Variants in ROR1 observed in about 807,000 individuals in gnomAD.
ROR1 encodes inactive tyrosine-protein kinase transmembrane receptor ROR1.
ROR1 carries 19 observed loss-of-function variants against 78.8 expected under a neutral mutation model. The ratio of observed to expected loss-of-function variants is 0.24; its 90% CI spans 0.17 to 0.35. The LOEUF (loss-of-function observed/expected upper bound fraction) is 0.35, where lower values mean the gene tolerates loss of function less well. Ranked by LOEUF, ROR1 falls within the 10% of genes least tolerant of loss-of-function variation. ROR1 has a pLI of 1.00. For synonymous variants in ROR1, 386 were observed against 433.6 expected (o/e 0.89, Z 1.36); for missense variants, 917 against 1,177.8 (o/e 0.78, Z 3.24).
chr1:64,045,998 T>C lies in ROR1; in HGVS notation c.164-3693T>C, dbSNP rs78232621. Among the ~76,000 whole-genome samples, 624 of 152,266 alleles carry C rather than the reference T, an allele frequency of 4.1e-3. 7 individuals are homozygous for C. Among genetic ancestry groups the C allele is most frequent in the African/African-American group, 0.014 (563 of 41,560 alleles). ...TCATCAGAGCTACTGAATCAAACCA[T>C]TGAAAAAGGTACAAACAGCCAGGTT... On this transcript the variant is annotated intron_variant, in intron 2 of 8. Transcript: ENST00000371079.
At chr1:63,851,590 G>A (rs1332548354) in intron 1 of ROR1, among the ~76,000 whole-genome samples, 2 of 152,160 alleles carry the variant, frequency 1.3e-5, no homozygotes. Flanking sequence ...AAATTACAAT[G>A]AATAGACTGT....
intron 7 of ROR1, among the ~76,000 whole-genome samples, chr1:64,151,882 C>CAAAA (rs36006598): frequency 7.1e-6 from 1 of 141,144 alleles, no homozygotes. Context: ...CACTCCGTCT[C>CAAAA]AAAAAAAAAA....
At chr1:63,801,681 TTAAG>T (rs1644798272) in intron 1 of ROR1, among the ~76,000 whole-genome samples, 3 of 152,248 alleles carry the variant, frequency 2.0e-5, no homozygotes, top group Non-Finnish European at 4.4e-5. Flanking sequence ...ATAATAATGA[TTAAG>T]TAGCCTTTTT....
At chr1:63,796,856 G>T (rs1644764464) in intron 1 of ROR1, among the ~76,000 whole-genome samples, 2 of 152,184 alleles carry the variant, frequency 1.3e-5, no homozygotes, top group Non-Finnish European at 2.9e-5. Flanking sequence ...CCAGAGAGCA[G>T]CGGGCCCCAG....
intron 1 of ROR1, among the ~76,000 whole-genome samples, chr1:63,802,921 A>T (rs191666125): frequency 6.6e-6 from 1 of 152,262 alleles, no homozygotes; most frequent in Non-Finnish European, 1.5e-5. Context: ...AATTAATTGT[A>T]TATTTTCTTT....
chr1:63,931,056 C>T (rs746624714), intron 1 of ROR1, among the ~76,000 whole-genome samples: 2 of 152,102 alleles, frequency 1.3e-5, no homozygotes, highest in Non-Finnish European at 2.9e-5. Context: ...CCAAGAAAGG[C>T]GGATCAGTTG....
intron 1 of ROR1, among the ~76,000 whole-genome samples, chr1:63,940,889 A>C (rs544811973): frequency 6.6e-6 from 1 of 152,210 alleles, no homozygotes; most frequent in African/African-American, 2.4e-5. Context: ...AGGTGTCCAG[A>C]TGCAGGTACG....
intron 4 of ROR1, among the ~76,000 whole-genome samples, chr1:64,061,718 C>T (rs888247421): frequency 1.9e-4 from 29 of 152,130 alleles, no homozygotes; most frequent in Non-Finnish European, 2.9e-5. Context: ...TAGCCAGTGA[C>T]CCTGGGCAAA....
chr1:63,891,377 T>C (rs855836), intron 1 of ROR1, among the ~76,000 whole-genome samples: 126,657 of 152,134 alleles, frequency 0.83, 54,385 homozygotes, highest in East Asian at 1. Flanking sequence ...AGGATGGTGG[T>C]GAGGACTCCT....
At chr1:63,823,027 A>T (rs868307353) in intron 1 of ROR1, among the ~76,000 whole-genome samples, 8 of 142,424 alleles carry the variant, frequency 5.6e-5, no homozygotes, top group South Asian at 2.1e-4. Flanking sequence ...ATTGTCATTT[A>T]AAAAAAAAAC....
intron 1 of ROR1, among the ~76,000 whole-genome samples, chr1:63,849,468 C>G (rs1003061410): frequency 1.3e-5 from 2 of 152,102 alleles, no homozygotes; most frequent in Admixed American, 1.3e-4. Context: ...GAGGCTGAGG[C>G]TGAAGGATCA....
At chr1:63,910,895 A>G (rs895679636) in intron 1 of ROR1, among the ~76,000 whole-genome samples, 11 of 152,318 alleles carry the variant, frequency 7.2e-5, no homozygotes, top group African/African-American at 2.6e-4. Context: ...ATGTGGCCAC[A>G]TCCCTTCTCA....
At chr1:64,054,107 C>A (rs958099231) in intron 4 of ROR1, among the ~76,000 whole-genome samples, 1 of 152,074 alleles carries the variant, frequency 6.6e-6, no homozygotes, top group Non-Finnish European at 1.5e-5. Flanking sequence ...GCACGCACTA[C>A]CGTGCCTGGC....
chr1:63,997,197 C>T (rs1249517894), intron 1 of ROR1, among the ~76,000 whole-genome samples: 2 of 152,086 alleles, frequency 1.3e-5, no homozygotes, highest in African/African-American at 4.8e-5. Context: ...GATGGCTGCA[C>T]GTTTTTAGGG....
chr1:64,088,648 C>T (rs1557645771), intron 4 of ROR1, among the ~76,000 whole-genome samples: 2 of 151,892 alleles, frequency 1.3e-5, no homozygotes, highest in East Asian at 1.9e-4. Flanking sequence ...TAAACTAGCT[C>T]CAGTTCTGAT....
At chr1:64,016,733 T>TATAATA (rs1553151713) in intron 2 of ROR1, among the ~76,000 whole-genome samples, 55 of 140,610 alleles carry the variant, frequency 3.9e-4, no homozygotes, top group African/African-American at 1.4e-3. Flanking sequence ...TAAAATATAA[T>TATAATA]TATATATATA....
At chr1:63,782,200 A>G (rs563697682) in intron 1 of ROR1, among the ~76,000 whole-genome samples, 1 of 152,362 alleles carries the variant, frequency 6.6e-6, no homozygotes, top group Non-Finnish European at 1.5e-5. Context: ...AGAGATTGCT[A>G]GCTGATCACC....
chr1:64,053,945 G>A (rs115907922), intron 4 of ROR1, among the ~76,000 whole-genome samples: 6,414 of 151,846 alleles, frequency 0.042, 467 homozygotes, highest in African/African-American at 0.15. Flanking sequence ...TTTTCTTTTT[G>A]TTTTATTTTA....
intron 4 of ROR1, among the ~76,000 whole-genome samples, chr1:64,080,291 C>T (rs901333545): frequency 6.6e-6 from 1 of 152,120 alleles, no homozygotes; most frequent in African/African-American, 2.4e-5. Flanking sequence ...ATGCTGCTGG[C>T]ATCTGGTGGG....
Sources: allele counts gnomAD v4.1 joint callset (sites outside exome capture counted in the v4.1 genomes callset), GRCh38; gene constraint gnomAD v4.1.1; transcripts MANE v1.5; gene names NCBI Gene and HGNC (gene_info 2026-07-23, HGNC 2026-07-21).